Variants in PLXDC2 observed in about 807,000 individuals in gnomAD.
The protein encoded by PLXDC2 is plexin domain containing 2.
In PLXDC2, 40 loss-of-function variants were observed where a neutral mutation model predicts 68.9. The ratio of observed to expected loss-of-function variants is 0.58; its 90% CI spans 0.45 to 0.76. The LOEUF (loss-of-function observed/expected upper bound fraction) is 0.76. PLXDC2 is among the 30% of genes least tolerant of loss of function. The pLI is 0.00. For missense variants in PLXDC2, 644 were observed against 661.9 expected, an observed-to-expected ratio of 0.97 and a Z score of 0.30; for synonymous variants, 243 against 234.2, an observed-to-expected ratio of 1.04 and a Z score of -0.34.
chr10:19,963,087 C>A (rs1834188889), intron 1 of PLXDC2, among the ~76,000 whole-genome samples: 2 of 152,038 alleles, frequency 1.3e-5, no homozygotes, highest in South Asian at 4.2e-4. Flanking sequence ...TGGAGAGACT[C>A]CTTTGTCTGG....
In PLXDC2 at chr10:20,150,228, A is replaced by C. The variant is rs12412986; in HGVS notation, c.783+2326A>C. 6.0e-3 allele frequency among the ~76,000 whole-genome samples: 917 copies of C among 152,160 alleles called. 35 individuals carry two copies. The highest frequency in any genetic ancestry group is 0.054 in the Admixed American group (825 of 15,280). ...CTACAGAATCTTCCCTGCCCTAAAA[A>C]TTTTCTTTGTTCTACCCAGTTTTTT... is the stretch of plus-strand genomic sequence containing the variant. On this transcript the variant is annotated intron_variant, in intron 6 of 13. Coordinates refer to ENST00000377252, the MANE Select transcript of PLXDC2 (RefSeq NM_032812.9).
chr10:20,020,943 A>G (rs1191283532), intron 2 of PLXDC2, among the ~76,000 whole-genome samples: 1 of 152,224 alleles, frequency 6.6e-6, no homozygotes, highest in African/African-American at 2.4e-5. Flanking sequence ...GAGAAGACAA[A>G]AAGTAATCTG....
chr10:19,833,755 A>G (rs1021641556), intron 1 of PLXDC2, among the ~76,000 whole-genome samples: 27 of 152,224 alleles, frequency 1.8e-4, no homozygotes, highest in African/African-American at 6.5e-4. Context: ...TGCTCTGTGT[A>G]TAAAGGAATC....
intron 1 of PLXDC2, among the ~76,000 whole-genome samples, chr10:19,817,667 C>T (rs1202342833): frequency 6.6e-6 from 1 of 152,194 alleles, no homozygotes; most frequent in African/African-American, 2.4e-5. Flanking sequence ...GCAGCACCTT[C>T]CTTCCCCTGG....
In PLXDC2 at chr10:19,861,530, C is replaced by A. The variant is rs189932050; in HGVS notation, c.112+44339C>A. ...TTTAATTAGCACAACATTCCAGTAA[C>A]CTTTTCAGCCTCAATTTATGCCTCT... On this transcript the variant is annotated intron_variant, in intron 1 of 13. Transcript: ENST00000377252. Among the ~76,000 whole-genome samples the A allele has an allele frequency of 1.2e-4, 18 of 152,292 alleles. No homozygotes were observed. In the East Asian group the frequency reaches 3.1e-3, roughly 26 times the overall value.
chr10:20,187,207 T>C (rs1220781259), intron 9 of PLXDC2, among the ~76,000 whole-genome samples: 1 of 151,822 alleles, frequency 6.6e-6, no homozygotes, highest in African/African-American at 2.4e-5. Context: ...AACAAAGCAA[T>C]AAAGCCTGCT....
Position 20,129,335 on chromosome 10 carries a change from T to A in PLXDC2, c.542-13960T>A, listed in dbSNP as rs75606094. Among the ~76,000 whole-genome samples the A allele has an allele frequency of 7.5e-3, 1,145 of 152,246 alleles. 14 individuals carry two copies. Among genetic ancestry groups the A allele is most frequent in the African/African-American group, 0.025 (1,055 of 41,554 alleles). On this transcript the variant is annotated intron_variant, in intron 4 of 13. Transcript: ENST00000377252. ...TTGTTTAATTGGGTTGCTTTCTTGC[T>A]ATTGAGCGGAGTTCTTTATATATTT... is the stretch of plus-strand genomic sequence containing the variant.
chr10:19,984,423 CCTTT>C (rs1175798421), intron 1 of PLXDC2, among the ~76,000 whole-genome samples: 3 of 152,156 alleles, frequency 2.0e-5, no homozygotes, highest in Non-Finnish European at 2.9e-5. Flanking sequence ...GATGTGTTTT[CCTTT>C]CTTTATTCAC....
chr10:20,003,308 A>G (rs927017503), intron 2 of PLXDC2, among the ~76,000 whole-genome samples: 1 of 152,208 alleles, frequency 6.6e-6, no homozygotes, highest in Non-Finnish European at 1.5e-5. Context: ...TGTTTTCAGC[A>G]GAGATATAAA....
chr10:19,915,576 C>G (rs1023920401), intron 1 of PLXDC2, among the ~76,000 whole-genome samples: 1 of 152,132 alleles, frequency 6.6e-6, no homozygotes, highest in African/African-American at 2.4e-5. Flanking sequence ...TTCCTTTGCA[C>G]TGATGTTCCA....
At chr10:20,050,804 A>T (rs1454482097) in intron 3 of PLXDC2, among the ~76,000 whole-genome samples, 2 of 152,256 alleles carry the variant, frequency 1.3e-5, no homozygotes, top group African/African-American at 4.8e-5. Context: ...AATTAGTTCA[A>T]CCATTGTGGA....
At chr10:20,122,096 T>C (rs915827768) in intron 4 of PLXDC2, among the ~76,000 whole-genome samples, 2 of 151,854 alleles carry the variant, frequency 1.3e-5, no homozygotes, top group Non-Finnish European at 2.9e-5. Context: ...AATCCAGGAA[T>C]AGTCAGGGAA....
At chr10:19,914,830 G>A (rs1833336544) in intron 1 of PLXDC2, among the ~76,000 whole-genome samples, 1 of 152,132 alleles carries the variant, frequency 6.6e-6, no homozygotes. Context: ...ATGTCTTCTT[G>A]ATGGATTGAC....
intron 1 of PLXDC2, among the ~76,000 whole-genome samples, chr10:19,817,865 A>G (rs12257233): frequency 0.72 from 109,508 of 152,118 alleles, 40,210 homozygotes; most frequent in African/African-American, 0.86. Flanking sequence ...ACGCGCAGAG[A>G]GTTCCTTGGA....
intron 4 of PLXDC2, among the ~76,000 whole-genome samples, chr10:20,104,704 A>G (rs1003249772): frequency 4.6e-5 from 7 of 152,024 alleles, no homozygotes; most frequent in Admixed American, 1.3e-4. Flanking sequence ...GAGAAAACAC[A>G]TTTTCAGCAG....
intron 7 of PLXDC2, among the ~76,000 whole-genome samples, chr10:20,170,434 C>G (rs1834432344): frequency 6.6e-6 from 1 of 152,168 alleles, no homozygotes; most frequent in African/African-American, 2.4e-5. Context: ...AAGTGATCCT[C>G]CTGCTTCAGC....
Position 20,280,007 on chromosome 10 carries a change from T to A in PLXDC2, c.*188T>A. Reference sequence around the variant, plus strand: ...AGGGTAAACAAAAAACTAAAACTTATACAAGATACCATTTACACTGAACAT... The same window carrying A: ...AGGGTAAACAAAAAACTAAAACTTAAACAAGATACCATTTACACTGAACAT... On this transcript the variant is annotated 3_prime_UTR_variant, in exon 14 of 14. Transcript: ENST00000377252. The A allele has an allele frequency of 3.5e-6, 2 of 568,404 alleles. No homozygotes were observed. The highest frequency in any genetic ancestry group is 6.2e-6 in the Non-Finnish European group (2 of 320,120). The allele number at this position is 568,404 out of a possible 1,614,324, so 35.2% of individuals were successfully genotyped here. A position where few individuals can be genotyped will look rare whatever the true frequency, so the allele number is the denominator to read the frequency against.
chr10:20,011,732 G>C (rs1835118044), intron 2 of PLXDC2, among the ~76,000 whole-genome samples: 1 of 152,160 alleles, frequency 6.6e-6, no homozygotes, highest in Admixed American at 6.5e-5. Context: ...ATCTGAGTTG[G>C]CACAGACATG....
intron 1 of PLXDC2, among the ~76,000 whole-genome samples, chr10:19,897,587 G>C (rs959981244): frequency 1.3e-4 from 20 of 152,270 alleles, no homozygotes; most frequent in African/African-American, 4.6e-4. Context: ...AAGCAGTTTA[G>C]GGAACAGAAA....
Sources: gnomAD v4.1 joint callset for allele counts (sites outside exome capture counted in the v4.1 genomes callset) on GRCh38, gnomAD v4.1.1 for gene constraint, MANE v1.5 for transcripts, NCBI Gene and HGNC (gene_info 2026-07-23, HGNC 2026-07-21) for gene names.